TGFB2: variants seen among roughly 807,000 people sequenced by gnomAD.
The protein encoded by TGFB2 is transforming growth factor beta-2 proprotein.
A neutral mutation model predicts 42.7 loss-of-function variants in TGFB2; 13 were observed. The ratio of observed to expected loss-of-function variants is 0.30; its 90% CI spans 0.20 to 0.48. The LOEUF (loss-of-function observed/expected upper bound fraction) is 0.48. Among genes scored for constraint, TGFB2 ranks in the 20% least tolerant of loss-of-function variants. The pLI is 0.99. For missense variants in TGFB2, 390 were observed against 517.5 expected, an observed-to-expected ratio of 0.75 and a Z score of 2.39; for synonymous variants, 193 against 193.6, an observed-to-expected ratio of 1.00 and a Z score of 0.03.
chr1:218,393,966 G>A (rs1235237435), intron 1 of TGFB2, among the ~76,000 whole-genome samples: 4 of 151,590 alleles, frequency 2.6e-5, no homozygotes, highest in Non-Finnish European at 4.4e-5. Flanking sequence ...GAGTCCAGTG[G>A]CGCAATCTCG....
In TGFB2 at chr1:218,436,080, T is replaced by C; in HGVS notation, c.865T>C (p.Tyr289His). The C allele has an allele frequency of 6.2e-7, 1 of 1,614,194 alleles. No homozygotes were observed. The highest frequency in any genetic ancestry group is 8.5e-7 in the Non-Finnish European group (1 of 1,179,996). ...TCTCCTGCTAATGTTATTGCCCTCC[T>C]ACAGACTTGAGTCACAACAGACCAA... ...PHLLLMLLPS[Y>H]RLESQQTNRR... The change falls in exon 5 of 7, where the codon TAC (tyrosine) becomes CAC (histidine). Residue 289 changes from tyrosine to histidine, a missense_variant. Physicochemically the swap from Tyr to His is moderately conservative, Grantham distance 83. Transcript: ENST00000366930.
chr1:218,385,369 C>T lies in TGFB2; in HGVS notation c.347-19800C>T, dbSNP rs11466384. On this transcript the variant is annotated intron_variant, in intron 1 of 6. Transcript: ENST00000366930. ...TTTGCATTTAACAAAAGGACGTGGACATGCATTATCGTATTTGAGCTTGAC... is the reference window on the plus strand; with the variant it reads ...TTTGCATTTAACAAAAGGACGTGGATATGCATTATCGTATTTGAGCTTGAC... 5.7e-3 allele frequency among the ~76,000 whole-genome samples: 870 copies of T among 152,300 alleles called. 14 individuals are homozygous for T. Among genetic ancestry groups the T allele is most frequent in the African/African-American group, 0.019 (790 of 41,574 alleles).
In TGFB2 at chr1:218,391,959, G is replaced by C. The variant is rs74962415; in HGVS notation, c.347-13210G>C. Among the ~76,000 whole-genome samples, 344 of 152,330 alleles carry C rather than the reference G, an allele frequency of 2.3e-3. 1 individual carries two copies. The highest frequency in any genetic ancestry group is 6.4e-3 in the African/African-American group (265 of 41,592). ...GCAAAGTAGAGAACAACTAGAACAAGTGAATGGCTTTCATGACAAAATGTG... is the reference window on the plus strand; with the variant it reads ...GCAAAGTAGAGAACAACTAGAACAACTGAATGGCTTTCATGACAAAATGTG... On this transcript the variant is annotated intron_variant, in intron 1 of 6. Transcript: ENST00000366930.
chr1:218,418,865 CTCCTTGCCT>C (rs1341152669), intron 2 of TGFB2, among the ~76,000 whole-genome samples: 1 of 152,164 alleles, frequency 6.6e-6, no homozygotes, highest in Non-Finnish European at 1.5e-5. Context: ...TGACTTTCTC[CTCCTTGCCT>C]TCCATCATGA....
At chr1:218,427,807 T>C (rs1659673141) in intron 2 of TGFB2, among the ~76,000 whole-genome samples, 1 of 152,232 alleles carries the variant, frequency 6.6e-6, no homozygotes, top group African/African-American at 2.4e-5. Context: ...TGTGCATGTG[T>C]CTTTATAGCA....
intron 2 of TGFB2, among the ~76,000 whole-genome samples, chr1:218,422,997 T>C (rs976746068): frequency 2.0e-5 from 3 of 152,218 alleles, no homozygotes; most frequent in African/African-American, 7.2e-5. Flanking sequence ...TTATTATTAT[T>C]ACTTTGAATG....
At chr1:218,379,254 T>G (rs368009739) in intron 1 of TGFB2, among the ~76,000 whole-genome samples, 3 of 151,334 alleles carry the variant, frequency 2.0e-5, no homozygotes, top group African/African-American at 7.3e-5. Context: ...TGCCTCAGCC[T>G]CCTGAGTAGC....
intron 1 of TGFB2, among the ~76,000 whole-genome samples, chr1:218,385,887 T>A (rs546691881): frequency 1.3e-5 from 2 of 152,326 alleles, no homozygotes; most frequent in East Asian, 3.9e-4. Context: ...TTTTTCTTAA[T>A]TGGGCAGCCT....
chr1:218,436,292 C>A, intron 5 of TGFB2, 145 bp downstream of exon 5: 1 of 737,068 alleles, frequency 1.4e-6, no homozygotes, highest in Non-Finnish European at 2.1e-6. Context: ...TCTCATAATA[C>A]CATTCTTCCC....
chr1:218,431,168 AGT>A (rs1659794736), intron 2 of TGFB2, among the ~76,000 whole-genome samples: 1 of 152,194 alleles, frequency 6.6e-6, no homozygotes, highest in Non-Finnish European at 1.5e-5. Context: ...CCTGTTCATG[AGT>A]CTGGAGCTAG....
chr1:218,441,115 T>A, intron 6 of TGFB2, 89 bp from the exon 7 acceptor site: 1 of 1,315,016 alleles, frequency 7.6e-7, no homozygotes. Context: ...GTGCTGTGAC[T>A]GCTAACAATG....
At chr1:218,433,213 C>T (rs956008254) in intron 2 of TGFB2, among the ~76,000 whole-genome samples, 25 of 152,132 alleles carry the variant, frequency 1.6e-4, no homozygotes, top group African/African-American at 4.6e-4. Flanking sequence ...GGATTACAGG[C>T]GCCCACCACT....
intron 2 of TGFB2, among the ~76,000 whole-genome samples, chr1:218,431,598 C>T (rs1490054006): frequency 6.6e-6 from 1 of 152,108 alleles, no homozygotes; most frequent in African/African-American, 2.4e-5. Context: ...GGTAGTATGT[C>T]TAAATGTTAG....
intron 1 of TGFB2, among the ~76,000 whole-genome samples, chr1:218,370,547 T>G (rs1419701266): frequency 6.6e-6 from 1 of 152,228 alleles, no homozygotes; most frequent in Non-Finnish European, 1.5e-5. Context: ...CTATTGTATA[T>G]AAACATCCAT....
chr1:218,410,762 T>C (rs1336386177), intron 2 of TGFB2, among the ~76,000 whole-genome samples: 1 of 152,238 alleles, frequency 6.6e-6, no homozygotes, highest in Non-Finnish European at 1.5e-5. Flanking sequence ...AAACCCATGA[T>C]AGTTGTTATA....
chr1:218,431,495 C>A (rs1659805285), intron 2 of TGFB2, among the ~76,000 whole-genome samples: 1 of 152,120 alleles, frequency 6.6e-6, no homozygotes, highest in Non-Finnish European at 1.5e-5. Context: ...TATATACACA[C>A]ATATATACAT....
At chr1:218,416,706 C>T (rs542981374) in intron 2 of TGFB2, among the ~76,000 whole-genome samples, 1 of 152,144 alleles carries the variant, frequency 6.6e-6, no homozygotes, top group Non-Finnish European at 1.5e-5. Context: ...CACCCTGGCC[C>T]CTTGATATGG....
At position 218,346,056 on chromosome 1, in the gene TGFB2, G is replaced by GCGCGCA. The variant is rs550941534; in HGVS notation, c.-645_-644insGCGCAC. ...GGGCTCGCCCCCAGCGCGCGCACAC[G>GCGCGCA]CACACACACACACACACACACACAC... On this transcript the variant is annotated 5_prime_UTR_variant, in exon 1 of 7. Coordinates refer to ENST00000366930, the MANE Select transcript of TGFB2 (RefSeq NM_003238.6). This position sits in a 1 kb window ranked among gnomAD's most constrained non-coding sequence, Gnocchi z 4.9. Among the ~76,000 whole-genome samples, 2 of 145,604 alleles carry GCGCGCA rather than the reference G, an allele frequency of 1.4e-5. No homozygotes were observed. Among genetic ancestry groups the GCGCGCA allele is most frequent in the African/African-American group, 5.0e-5 (2 of 39,610 alleles).
At chr1:218,351,446 G>A (rs1427628052) in intron 1 of TGFB2, among the ~76,000 whole-genome samples, 1 of 152,130 alleles carries the variant, frequency 6.6e-6, no homozygotes, top group Non-Finnish European at 1.5e-5. Context: ...ATCGTTGCTT[G>A]TACTAACTCT....
Sources: gnomAD v4.1 joint callset for allele counts (sites outside exome capture counted in the v4.1 genomes callset) on GRCh38, gnomAD v4.1.1 for gene constraint, Gnocchi (gnomAD v3.1) non-coding constraint, MANE v1.5 for transcripts, NCBI Gene and HGNC (gene_info 2026-07-23, HGNC 2026-07-21) for gene names.